The following RXFP1 variants were observed in gnomAD, a reference collection of about 807,000 sequenced individuals.
RXFP1 encodes relaxin family peptide receptor 1, also known as relaxin receptor 1.
Under a neutral mutation model 89.8 loss-of-function variants are expected in RXFP1, and 73 were observed. That is an observed-to-expected ratio of 0.81 (90% confidence interval 0.67 to 0.99). RXFP1 has a LOEUF of 0.99. Ranked by LOEUF, RXFP1 falls within the 50% of genes least tolerant of loss-of-function variation. The pLI is 0.00. For synonymous variants in RXFP1, 277 were observed against 305.5 expected, an observed-to-expected ratio of 0.91 and a Z score of 0.97; for missense variants, 793 against 895.5, an observed-to-expected ratio of 0.89 and a Z score of 1.46.
At chr4:158,597,969 C>T (rs768937252) in intron 3 of RXFP1, among the ~76,000 whole-genome samples, 7 of 152,174 alleles carry the variant, frequency 4.6e-5, no homozygotes, top group Non-Finnish European at 1.0e-4. Context: ...AACACTAAAT[C>T]TAGGTTATGG....
intron 11 of RXFP1, among the ~76,000 whole-genome samples, chr4:158,632,733 A>G (rs1028039110): frequency 6.6e-6 from 1 of 152,168 alleles, no homozygotes; most frequent in African/African-American, 2.4e-5. Flanking sequence ...GAAATAATAC[A>G]CTTCCATAAT....
chr4:158,619,722 G>A (rs1288043644), intron 9 of RXFP1, among the ~76,000 whole-genome samples: 6 of 152,152 alleles, frequency 3.9e-5, no homozygotes, highest in African/African-American at 1.4e-4. Flanking sequence ...CAAGCCTTTG[G>A]GAGTGGGACA....
intron 4 of RXFP1, among the ~76,000 whole-genome samples, chr4:158,603,324 G>T (rs954756131): frequency 3.3e-5 from 5 of 152,114 alleles, no homozygotes; most frequent in African/African-American, 1.2e-4. Flanking sequence ...TCTAAGTCAA[G>T]TCAGAATCAT....
chr4:158,625,615 G>C (rs553137002), intron 9 of RXFP1, among the ~76,000 whole-genome samples: 21 of 152,150 alleles, frequency 1.4e-4, no homozygotes, highest in African/African-American at 5.1e-4. Context: ...GTACATCCTG[G>C]TCTTCCAGAT....
intron 14 of RXFP1, among the ~76,000 whole-genome samples, chr4:158,640,498 A>G (rs1770155484): frequency 6.6e-6 from 1 of 152,194 alleles, no homozygotes; most frequent in Admixed American, 6.5e-5. Context: ...AGGTGTGTCA[A>G]ATGGCGAGAG....
intron 8 of RXFP1, among the ~76,000 whole-genome samples, chr4:158,616,043 C>T (rs1209322174): frequency 6.6e-6 from 1 of 152,232 alleles, no homozygotes; most frequent in Non-Finnish European, 1.5e-5. Context: ...AAATGGCATT[C>T]ATAGACTTGC....
At chr4:158,626,797 A>G in intron 9 of RXFP1, 23 bp from the exon 10 acceptor site, 2 of 1,402,246 alleles carry the variant, frequency 1.4e-6, no homozygotes, top group Non-Finnish European at 2.0e-6. Context: ...ATTTAGCTGT[A>G]TCGTTTTATT....
At chr4:158,537,069 C>T (rs1354303461) in intron 1 of RXFP1, among the ~76,000 whole-genome samples, 1 of 151,512 alleles carries the variant, frequency 6.6e-6, no homozygotes, top group Non-Finnish European at 1.5e-5. Context: ...TTTGCACCAA[C>T]CTAAAAGAAA....
chr4:158,553,214 C>A (rs886318482), intron 1 of RXFP1, among the ~76,000 whole-genome samples: 1 of 151,648 alleles, frequency 6.6e-6, no homozygotes, highest in Non-Finnish European at 1.5e-5. Context: ...ATCAGAGACA[C>A]CAGTATGGAA....
chr4:158,636,109 T>C (rs1769103446), intron 12 of RXFP1, among the ~76,000 whole-genome samples: 1 of 152,164 alleles, frequency 6.6e-6, no homozygotes, highest in South Asian at 2.1e-4. Context: ...TACCTTTCAG[T>C]TCTCTTTAAG....
intron 8 of RXFP1, 93 bp from the exon 9 acceptor site, chr4:158,617,038 G>C: frequency 1.2e-6 from 1 of 807,364 alleles, no homozygotes; most frequent in Non-Finnish European, 1.9e-6. Flanking sequence ...TAGTGGATTT[G>C]TGGGTTTCAT....
chr4:158,589,273 A>G (rs776352307), intron 2 of RXFP1, among the ~76,000 whole-genome samples: 12 of 152,140 alleles, frequency 7.9e-5, no homozygotes, highest in Non-Finnish European at 1.6e-4. Context: ...TCAAGGTGAG[A>G]TTTGAGTGGG....
chr4:158,646,460 C>T (rs918028418), intron 15 of RXFP1: 27 of 1,232,796 alleles, frequency 2.2e-5, no homozygotes, highest in South Asian at 1.8e-4. Flanking sequence ...GAATGCTCTA[C>T]GTGATTGCAT....
chr4:158,565,978 T>G (rs1753464530), intron 1 of RXFP1, among the ~76,000 whole-genome samples: 1 of 152,148 alleles, frequency 6.6e-6, no homozygotes, highest in African/African-American at 2.4e-5. Flanking sequence ...CAACCCAAAT[T>G]CAGGAACATT....
chr4:158,650,699 G>C (rs556195530), intron 17 of RXFP1, among the ~76,000 whole-genome samples: 1 of 151,908 alleles, frequency 6.6e-6, no homozygotes, highest in South Asian at 2.1e-4. Context: ...AACTTGGGAG[G>C]CAGAGACTTC....
intron 10 of RXFP1, 23 bp from the exon 11 acceptor site, chr4:158,628,615 T>C (rs1767397884): frequency 2.5e-6 from 3 of 1,196,126 alleles, no homozygotes; most frequent in African/African-American, 1.5e-5. Flanking sequence ...GAAGTTACAA[T>C]GTATTTTTCT....
intron 4 of RXFP1, among the ~76,000 whole-genome samples, chr4:158,600,805 T>C (rs1761539229): frequency 6.7e-6 from 1 of 149,648 alleles, no homozygotes; most frequent in African/African-American, 2.5e-5. Context: ...CCAGCCTGGA[T>C]GACAAAGTGA....
intron 1 of RXFP1, chr4:158,543,805 C>G: frequency 2.0e-6 from 2 of 985,212 alleles, no homozygotes; most frequent in Non-Finnish European, 2.4e-6. Context: ...ACAGCTGGTA[C>G]TGCCTCTTCC....
intron 17 of RXFP1, among the ~76,000 whole-genome samples, chr4:158,649,757 A>G (rs1772289878): frequency 6.6e-6 from 1 of 152,252 alleles, no homozygotes; most frequent in African/African-American, 2.4e-5. Flanking sequence ...CTGGTAGAAA[A>G]ATAAAATGGT....
Sources: gnomAD v4.1 joint callset for allele counts (sites outside exome capture counted in the v4.1 genomes callset) on GRCh38, gnomAD v4.1.1 for gene constraint, MANE v1.5 for transcripts, NCBI Gene and HGNC (gene_info 2026-07-23, HGNC 2026-07-21) for gene names.